CDCA7L: variants seen among roughly 807,000 people sequenced by gnomAD.
CDCA7L encodes the protein cell division cycle-associated 7-like protein.
A neutral mutation model predicts 57.4 loss-of-function variants in CDCA7L; 44 were observed. The ratio of observed to expected loss-of-function variants is 0.77; its 90% confidence interval spans 0.60 to 0.98. The LOEUF (loss-of-function observed/expected upper bound fraction) is 0.98, where lower values mean the gene tolerates loss of function less well. CDCA7L is among the 50% of genes least tolerant of loss of function. The pLI is 0.00. For missense variants in CDCA7L, 644 were observed against 580.6 expected (o/e 1.11, Z -1.12); for synonymous variants, 236 against 202.8 (o/e 1.16, Z -1.39).
At chr7:21,911,898 T>C (rs1448689418) in intron 2 of CDCA7L, 144 bp from the exon 3 acceptor site, 2 of 649,394 alleles carry the variant, frequency 3.1e-6, no homozygotes, top group Non-Finnish European at 5.3e-6. Flanking sequence ...ATGTACTTAA[T>C]GCACTGAACT....
intron 7 of CDCA7L, 34 bp from the exon 8 acceptor site, chr7:21,904,293 GGGATATGCTGATGCCCAATGA>G: frequency 1.3e-6 from 2 of 1,546,096 alleles, no homozygotes; most frequent in Non-Finnish European, 1.7e-6. Context: ...GGTGAACACA[GGGATATGCTGATGCCCAATGA>G]GGCCAGATGC....
At chr7:21,933,612 A>C (rs1423405133) in intron 1 of CDCA7L, among the ~76,000 whole-genome samples, 1 of 152,188 alleles carries the variant, frequency 6.6e-6, no homozygotes, top group Non-Finnish European at 1.5e-5. Context: ...ATGAGAACAC[A>C]TGGACATGGG....
chr7:21,945,277 G>C (rs1055209801), intron 1 of CDCA7L, among the ~76,000 whole-genome samples: 10 of 151,802 alleles, frequency 6.6e-5, no homozygotes, highest in African/African-American at 2.4e-4. Context: ...CCTTGAAAAC[G>C]TTTACAAAAG....
At chr7:21,911,590 C>T in intron 3 of CDCA7L, 27 bp downstream of exon 3, 1 of 1,595,830 alleles carries the variant, frequency 6.3e-7, no homozygotes, top group Non-Finnish European at 8.5e-7. Context: ...CGTTACCACC[C>T]ACATCCCTTC....
At chr7:21,907,888 G>A (rs1177783012) in intron 4 of CDCA7L, among the ~76,000 whole-genome samples, 1 of 152,138 alleles carries the variant, frequency 6.6e-6, no homozygotes, top group African/African-American at 2.4e-5. Context: ...GCAGCATTAT[G>A]GCACCATGTA....
In CDCA7L at chr7:21,908,451, C is replaced by T. The variant is rs558132059; in HGVS notation, c.360G>A (p.Glu120=). ...DGKASLVSEE[E]EDEEEDKATP... ...TAGCCTTATCTTCTTCTTCATCTTCCTCTTCCTCGCTCACCAAAGATGCTT... is the reference window on the plus strand; with the variant it reads ...TAGCCTTATCTTCTTCTTCATCTTCTTCTTCCTCGCTCACCAAAGATGCTT... The change falls in exon 4 of 10, where the codon GAG becomes GAA. Residue 120 remains glutamate (E), a synonymous_variant. Transcript: ENST00000406877. 1.3e-6 allele frequency: 2 copies of T among 1,561,030 alleles called. No individual in the cohort carries two copies.
chr7:21,916,613 C>G, intron 2 of CDCA7L, 141 bp downstream of exon 2: 1 of 723,750 alleles, frequency 1.4e-6, no homozygotes, highest in Non-Finnish European at 2.2e-6. Context: ...AACAGGAAGA[C>G]ACAGACATAA....
intron 1 of CDCA7L, among the ~76,000 whole-genome samples, chr7:21,917,247 T>C (rs988630200): frequency 6.6e-6 from 1 of 152,236 alleles, no homozygotes; most frequent in Non-Finnish European, 1.5e-5. Context: ...TTAAATGTCA[T>C]CTACATAAAA....
At chr7:21,935,121 T>C (rs911980400) in intron 1 of CDCA7L, among the ~76,000 whole-genome samples, 1 of 152,208 alleles carries the variant, frequency 6.6e-6, no homozygotes, top group Non-Finnish European at 1.5e-5. Context: ...CAGAAAATTT[T>C]CCAGGACACA....
At chr7:21,937,429 G>A (rs1350046378) in intron 1 of CDCA7L, among the ~76,000 whole-genome samples, 1 of 152,090 alleles carries the variant, frequency 6.6e-6, no homozygotes, top group Non-Finnish European at 1.5e-5. Flanking sequence ...GAACTCAGGA[G>A]TTTCAGACCA....
intron 2 of CDCA7L, among the ~76,000 whole-genome samples, chr7:21,916,514 T>TAAAAAAAAAAAAAAAAAAAA (rs71557529): frequency 9.5e-6 from 1 of 105,150 alleles, no homozygotes; most frequent in Non-Finnish European, 1.9e-5. Flanking sequence ...TCCCTTTATT[T>TAAAAAAAAAAAAAAAAAAAA]AAAAAAAAAA....
intron 8 of CDCA7L, 135 bp downstream of exon 8, chr7:21,903,975 C>G: frequency 4.0e-6 from 3 of 752,808 alleles, no homozygotes; most frequent in Non-Finnish European, 5.8e-6. Flanking sequence ...TTCCCTGGAG[C>G]CTTAAGATAC....
chr7:21,911,052 T>C (rs1180678736), intron 3 of CDCA7L, among the ~76,000 whole-genome samples: 12 of 118,200 alleles, frequency 1.0e-4, no homozygotes, highest in East Asian at 6.0e-4. Flanking sequence ...TTTTTTGAGA[T>C]GGAGTCTCGC....
intron 9 of CDCA7L, chr7:21,902,695 T>TGTTTGTTTGTTCCTTCC: frequency 4.7e-6 from 1 of 212,408 alleles, no homozygotes; most frequent in Non-Finnish European, 9.5e-6. Context: ...CAGCCTGCCT[T>TGTTTGTTTGTTCCTTCC]GTTTGTTTGT....
In CDCA7L at chr7:21,902,309, G is replaced by GTTTGT; in HGVS notation, c.*8_*12dup. On this transcript the variant is annotated 3_prime_UTR_variant, in exon 10 of 10. Transcript: ENST00000406877. ...ACTCTATGGTGAGGTGGCTGGTTCT[G>GTTTGT]TTTGTTTTCCTCTTAATTGTCTTCT... 1 of 1,613,178 alleles carries GTTTGT rather than the reference G, an allele frequency of 6.2e-7. No homozygotes were observed.
At chr7:21,911,473 T>C in intron 3 of CDCA7L, 144 bp downstream of exon 3, 1 of 1,005,356 alleles carries the variant, frequency 9.9e-7, no homozygotes, top group Non-Finnish European at 1.4e-6. Flanking sequence ...CAGGAGCAAT[T>C]TTTTTAGGTT....
rs369952841 is a variant in CDCA7L, at chr7:21,906,623, G to T, written c.698C>A (p.Ala233Glu). 1.2e-6 allele frequency: 2 copies of T among 1,613,896 alleles called. No individual in the cohort carries two copies. Among genetic ancestry groups the T allele is most frequent in the Non-Finnish European group, 1.7e-6 (2 of 1,180,006 alleles). Residue 233 changes from alanine (A) to glutamate (E), a missense_variant, in exon 5 of 10, where the codon GCG becomes GAG. Transcript: ENST00000406877. ...ENKAMLAQLL[A>E]ELNSMPDFFP... ...GAAATCTGGCATCGAGTTCAATTCC[G>T]CCAATAACTGGGCAAGCTGAAGTTC...
rs1562614648 is a variant in CDCA7L at position 21,901,158 on chromosome 7, GAGAGGCCCCAGCT to G, written c.*1151_*1163del. The G allele has an allele frequency of 6.2e-7, 1 of 1,612,562 alleles. No individual in the cohort carries two copies. Among genetic ancestry groups the G allele is most frequent in the Admixed American group, 1.7e-5 (1 of 59,912 alleles). On this transcript the variant is annotated 3_prime_UTR_variant, in exon 10 of 10. Coordinates refer to ENST00000406877, the MANE Select transcript of CDCA7L (RefSeq NM_018719.5). ...AGTGCCCTGTGTATAGAACCAAACT[GAGAGGCCCCAGCT>G]ACATCTGGACCTTCAGGCTGAAGAG...
chr7:21,902,604 C>G, intron 9 of CDCA7L: 1 of 510,704 alleles, frequency 2.0e-6, no homozygotes. Flanking sequence ...AAACTTGTAA[C>G]TCACATTCTG....
Sources: gnomAD v4.1 joint callset for allele counts (sites outside exome capture counted in the v4.1 genomes callset) on GRCh38, gnomAD v4.1.1 for gene constraint, MANE v1.5 for transcripts, NCBI Gene and HGNC (gene_info 2026-07-23, HGNC 2026-07-21) for gene names.